CHST8: variants seen among roughly 807,000 people sequenced by gnomAD.
CHST8 encodes carbohydrate sulfotransferase 8.
A neutral mutation model predicts 15.0 loss-of-function variants in CHST8; 10 were observed. The observed-to-expected ratio is 0.67, with a 90% CI of 0.41 to 1.13. The LOEUF (loss-of-function observed/expected upper bound fraction) is 1.13, where lower values mean the gene tolerates loss of function less well. Among genes scored for constraint, CHST8 ranks in the 50% most tolerant of loss-of-function variants. CHST8 has a pLI of 0.00. For synonymous variants in CHST8, 259 were observed against 256.6 expected (o/e 1.01, Z -0.09); for missense variants, 634 against 608.2 (o/e 1.04, Z -0.45).
chr19:33,648,302 C>T (rs1007691099), intron 1 of CHST8, among the ~76,000 whole-genome samples: 5 of 152,106 alleles, frequency 3.3e-5, no homozygotes, highest in African/African-American at 1.2e-4. Context: ...TCAGTATGTT[C>T]CCAGTGTTGT....
intron 3 of CHST8, among the ~76,000 whole-genome samples, chr19:33,761,677 A>T (rs1337202564): frequency 6.6e-6 from 1 of 151,668 alleles, no homozygotes; most frequent in African/African-American, 2.4e-5. Flanking sequence ...ATATATGTAT[A>T]TATTTTTTTA....
Position 33,757,558 on chromosome 19 carries a change from A to G in CHST8, c.131-13855A>G, listed in dbSNP as rs1275465254. 9.5e-5 allele frequency among the ~76,000 whole-genome samples: 12 copies of G among 126,546 alleles called. 1 individual carries two copies. The highest frequency in any genetic ancestry group is 3.1e-4 in the Admixed American group (4 of 12,742). 83.0% of individuals were successfully genotyped at this position (126,546 alleles called of 152,430 possible). A position where few individuals can be genotyped will look rare whatever the true frequency, so the allele number is the denominator to read the frequency against. Reference sequence around the variant, plus strand: ...AAAGAAAGAAAGAAAGAAAGAAAGAAAGAAAGAAAGAAAGAAAGAAAGAAA... The same window carrying G: ...AAAGAAAGAAAGAAAGAAAGAAAGAGAGAAAGAAAGAAAGAAAGAAAGAAA... On this transcript the variant is annotated intron_variant, in intron 3 of 4. Coordinates refer to ENST00000650847, the MANE Select transcript of CHST8 (RefSeq NM_001127895.2).
At chr19:33,647,969 AG>A (rs745831557) in intron 1 of CHST8, among the ~76,000 whole-genome samples, 2 of 152,098 alleles carry the variant, frequency 1.3e-5, no homozygotes, top group African/African-American at 2.4e-5. Context: ...GAGAAATCAC[AG>A]TATATCTGTA....
At chr19:33,640,418 C>T (rs941136649) in intron 1 of CHST8, among the ~76,000 whole-genome samples, 4 of 152,212 alleles carry the variant, frequency 2.6e-5, no homozygotes, top group African/African-American at 9.6e-5. Flanking sequence ...CAGGTCTGTC[C>T]GTTCCTGTTC....
At chr19:33,732,328 G>C (rs952613736) in intron 3 of CHST8, among the ~76,000 whole-genome samples, 1 of 152,076 alleles carries the variant, frequency 6.6e-6, no homozygotes, top group African/African-American at 2.4e-5. Flanking sequence ...ACTACATACT[G>C]TCCTGACACT....
intron 3 of CHST8, among the ~76,000 whole-genome samples, chr19:33,701,272 C>G (rs1460503690): frequency 1.3e-5 from 2 of 152,146 alleles, no homozygotes; most frequent in Admixed American, 6.5e-5. Flanking sequence ...TCCTCCACCC[C>G]CTGCAATTGG....
rs1341161688 is a variant in CHST8 at position 33,744,416 on chromosome 19, T to C, written c.131-26997T>C. Reference sequence around the variant, plus strand: ...TGGCGTGCTTCTGCAGCCCAGAAGATTAGAGGAAATCTGGGAATTCAAGAC... The same window carrying C: ...TGGCGTGCTTCTGCAGCCCAGAAGACTAGAGGAAATCTGGGAATTCAAGAC... On this transcript the variant is annotated intron_variant, in intron 3 of 4. Transcript: ENST00000650847. 6 of 152,216 alleles carry C rather than the reference T, an allele frequency of 3.9e-5. No homozygotes were observed. In the East Asian group the frequency reaches 1.2e-3, roughly 29 times the overall value. The allele number at this position is 152,216 out of a possible 1,614,324, so 9.4% of individuals were successfully genotyped here. A position where few individuals can be genotyped will look rare whatever the true frequency, so the allele number is the denominator to read the frequency against.
chr19:33,773,188 G>T lies in CHST8; in HGVS notation c.*125G>T. On this transcript the variant is annotated 3_prime_UTR_variant, in exon 5 of 5. Coordinates refer to ENST00000650847, the MANE Select transcript of CHST8 (RefSeq NM_001127895.2). ...TCTGAGGACGTGAGGAGCCATCGCT[G>T]TGGGAGGCAGCAGGCCCCGGGTGGG... The T allele has an allele frequency of 8.5e-7, 1 of 1,170,976 alleles. No homozygotes were observed. The highest frequency in any genetic ancestry group is 2.9e-5 in the Admixed American group (1 of 34,486). 72.5% of individuals were successfully genotyped at this position (1,170,976 alleles called of 1,614,324 possible).
chr19:33,763,651 T>A (rs949967175), intron 3 of CHST8, among the ~76,000 whole-genome samples: 1 of 152,218 alleles, frequency 6.6e-6, no homozygotes, highest in Non-Finnish European at 1.5e-5. Context: ...TTGAAGCCCT[T>A]GGGTGAGGCT....
chr19:33,773,328 G>T lies in CHST8; in HGVS notation c.*265G>T, dbSNP rs1272552745. The T allele has an allele frequency of 9.9e-6, 5 of 504,652 alleles. No homozygotes were observed. The highest frequency in any genetic ancestry group is 5.7e-5 in the African/African-American group (3 of 52,328). The allele number at this position is 504,652 out of a possible 1,614,324, so 31.3% of individuals were successfully genotyped here. A position where few individuals can be genotyped will look rare whatever the true frequency, so the allele number is the denominator to read the frequency against. On this transcript the variant is annotated 3_prime_UTR_variant, in exon 5 of 5. Transcript: ENST00000650847. ...GGGCAGACACCCCTGGAGCTCAGCC[G>T]ACAGTTTTGATGAGCAGGGAAGTCT... is the stretch of plus-strand genomic sequence containing the variant.
At chr19:33,692,829 A>C (rs1973123537) in intron 3 of CHST8, among the ~76,000 whole-genome samples, 1 of 152,086 alleles carries the variant, frequency 6.6e-6, no homozygotes, top group Admixed American at 6.6e-5. Context: ...TTTGGAACAC[A>C]TGCAGTAGTG....
At chr19:33,694,116 A>ATG in intron 3 of CHST8, among the ~76,000 whole-genome samples, 1 of 85,086 alleles carries the variant, frequency 1.2e-5, no homozygotes, top group African/African-American at 4.5e-5. Context: ...ATATATATAT[A>ATG]TATATATATA....
chr19:33,725,324 C>T (rs1171842311), intron 3 of CHST8, among the ~76,000 whole-genome samples: 1 of 152,146 alleles, frequency 6.6e-6, no homozygotes, highest in Non-Finnish European at 1.5e-5. Flanking sequence ...TTGTGGGCCC[C>T]TCCTCGACTC....
intron 1 of CHST8, among the ~76,000 whole-genome samples, chr19:33,644,983 G>A (rs1972331932): frequency 6.6e-6 from 1 of 152,186 alleles, no homozygotes; most frequent in Non-Finnish European, 1.5e-5. Context: ...AACAGCTGGA[G>A]ACATTTTTGA....
chr19:33,634,294 T>C (rs564282465), intron 1 of CHST8, among the ~76,000 whole-genome samples: 15 of 152,238 alleles, frequency 9.9e-5, no homozygotes, highest in Non-Finnish European at 1.8e-4. Context: ...ACACCGTGGT[T>C]TTAATTTTAT....
rs570139092 is a variant in CHST8, at chr19:33,648,195, C to A, written c.-163-19572C>A. 8.5e-5 allele frequency among the ~76,000 whole-genome samples: 13 copies of A among 152,218 alleles called. No homozygotes were observed. The South Asian group carries it at 2.7e-3, about 32-fold the overall frequency. ...ACTAGGGTCTGGAAGTCCTCTCTCTCTCTCTCCTCTGTGTTTCTCTCTCTG... is the reference window on the plus strand; with the variant it reads ...ACTAGGGTCTGGAAGTCCTCTCTCTATCTCTCCTCTGTGTTTCTCTCTCTG... On this transcript the variant is annotated intron_variant, in intron 1 of 4. Transcript: ENST00000650847.
At chr19:33,726,775 C>A (rs1973910611) in intron 3 of CHST8, among the ~76,000 whole-genome samples, 1 of 152,210 alleles carries the variant, frequency 6.6e-6, no homozygotes, top group East Asian at 1.9e-4. Context: ...GGCTCCCTGG[C>A]AAGGGGCTAG....
At chr19:33,694,873 G>A (rs944077295) in intron 3 of CHST8, among the ~76,000 whole-genome samples, 3 of 151,782 alleles carry the variant, frequency 2.0e-5, no homozygotes, top group South Asian at 2.1e-4. Flanking sequence ...AAGCCACCAC[G>A]CCTAGCTTTA....
At chr19:33,648,029 G>T (rs1194396647) in intron 1 of CHST8, among the ~76,000 whole-genome samples, 1 of 151,970 alleles carries the variant, frequency 6.6e-6, no homozygotes, top group Non-Finnish European at 1.5e-5. Context: ...TAGTTCAGAG[G>T]GGAGAACTGT....
Sources: allele counts gnomAD v4.1 joint callset (sites outside exome capture counted in the v4.1 genomes callset), GRCh38; gene constraint gnomAD v4.1.1; transcripts MANE v1.5; gene names NCBI Gene and HGNC (gene_info 2026-07-23, HGNC 2026-07-21).